DPF3: variants seen among roughly 807,000 people sequenced by gnomAD.
DPF3 encodes zinc finger protein DPF3.
DPF3 carries 18 observed loss-of-function variants against 56.8 expected under a neutral mutation model. The ratio of observed to expected loss-of-function variants is 0.32; its 90% CI spans 0.22 to 0.47. DPF3 has a LOEUF of 0.47. Among genes scored for constraint, DPF3 ranks in the 20% least tolerant of loss-of-function variants. The probability of loss-of-function intolerance (pLI) is 1.00; values close to 1 mark genes in which losing one functional copy is unlikely to be tolerated. For synonymous variants in DPF3, 188 were observed against 180.2 expected (o/e 1.04, Z -0.35); for missense variants, 403 against 488.8 (o/e 0.82, Z 1.65).
chr14:72,893,814 T>G (rs1886876111), intron 1 of DPF3, among the ~76,000 whole-genome samples: 1 of 152,228 alleles, frequency 6.6e-6, no homozygotes, highest in Non-Finnish European at 1.5e-5. Context: ...TATCTGGCTC[T>G]CTCTGCAATT....
At chr14:72,665,793 TTTCCTGATTGTGA>T (rs1489491868) in intron 8 of DPF3, among the ~76,000 whole-genome samples, 1 of 152,236 alleles carries the variant, frequency 6.6e-6, no homozygotes, top group Non-Finnish European at 1.5e-5. Flanking sequence ...TCGATGTGAA[TTTCCTGATTGTGA>T]TCATTGTACT....
chr14:72,876,220 C>G (rs1886108853), intron 1 of DPF3, among the ~76,000 whole-genome samples: 1 of 152,212 alleles, frequency 6.6e-6, no homozygotes, highest in Non-Finnish European at 1.5e-5. Context: ...GGATTGATGG[C>G]TCACACCAGT....
intron 2 of DPF3, among the ~76,000 whole-genome samples, chr14:72,760,432 T>C (rs1221079255): frequency 2.0e-5 from 3 of 152,224 alleles, no homozygotes; most frequent in Non-Finnish European, 4.4e-5. Flanking sequence ...TAGGCCCACC[T>C]GGATAATCCA....
chr14:72,658,307 A>T (rs1347871218), intron 8 of DPF3, among the ~76,000 whole-genome samples: 1 of 152,182 alleles, frequency 6.6e-6, no homozygotes, highest in Non-Finnish European at 1.5e-5. Context: ...AATTTAAAAA[A>T]TTTGTAAAAG....
intron 1 of DPF3, among the ~76,000 whole-genome samples, chr14:72,828,553 C>A (rs866485346): frequency 7.4e-3 from 158 of 21,450 alleles, no homozygotes; most frequent in Middle Eastern, 0.029. Context: ...AAAAAAAAAA[C>A]TTAATATGAT....
intron 3 of DPF3, among the ~76,000 whole-genome samples, chr14:72,749,847 A>T (rs1047081321): frequency 8.7e-6 from 1 of 115,024 alleles, no homozygotes; most frequent in Non-Finnish European, 1.8e-5. Context: ...GACCCTGTTT[A>T]AAAAAAAAAA....
intron 1 of DPF3, among the ~76,000 whole-genome samples, chr14:72,865,674 G>A (rs533632949): frequency 6.6e-6 from 1 of 152,334 alleles, no homozygotes; most frequent in Admixed American, 6.5e-5. Flanking sequence ...GGGGGGTAAG[G>A]AGCCCATCAA....
chr14:72,754,422 C>T (rs1294765566), intron 2 of DPF3, among the ~76,000 whole-genome samples: 2 of 152,122 alleles, frequency 1.3e-5, no homozygotes, highest in African/African-American at 2.4e-5. Flanking sequence ...TGTCAGAAGC[C>T]CCAGAATCAG....
intron 1 of DPF3, among the ~76,000 whole-genome samples, chr14:72,853,034 C>CGTGTGTGTGT (rs10522943): frequency 0.043 from 6,249 of 144,040 alleles, 261 homozygotes; most frequent in East Asian, 0.14. Flanking sequence ...CATAGCCTTG[C>CGTGTGTGTGT]GTGTGTGTGT....
chr14:72,665,293 C>T (rs1268902906), intron 8 of DPF3, among the ~76,000 whole-genome samples: 1 of 152,186 alleles, frequency 6.6e-6, no homozygotes, highest in Non-Finnish European at 1.5e-5. Context: ...TAATTTTATC[C>T]TATCCTTGAC....
At chr14:72,703,675 C>T (rs1286423769) in intron 6 of DPF3, among the ~76,000 whole-genome samples, 1 of 152,142 alleles carries the variant, frequency 6.6e-6, no homozygotes, top group Non-Finnish European at 1.5e-5. Flanking sequence ...CTCTCAGCCT[C>T]GGTTTCCTCG....
rs1238072766 is a variant in DPF3, at chr14:72,619,111, C to T, written c.*186G>A. Among the ~76,000 whole-genome samples, 2 of 152,192 alleles carry T rather than the reference C, an allele frequency of 1.3e-5. No individual in the cohort carries two copies. The highest frequency in any genetic ancestry group is 2.4e-5 in the African/African-American group (1 of 41,434). The stretch of plus-strand genomic sequence containing the variant: ...GACAAGGAGGTGCTGGCTGAAGTTC[C>T]GTACATATCGGGGGAGGTCAGGAGA... On this transcript the variant is annotated 3_prime_UTR_variant, in exon 11 of 11. Transcript: ENST00000556509.
intron 1 of DPF3, among the ~76,000 whole-genome samples, chr14:72,873,782 A>G (rs987851736): frequency 6.6e-6 from 1 of 152,122 alleles, no homozygotes; most frequent in South Asian, 2.1e-4. Context: ...AGGGACATGG[A>G]TGAAGCTGGA....
intron 3 of DPF3, among the ~76,000 whole-genome samples, chr14:72,740,996 G>C (rs1318147051): frequency 6.6e-6 from 1 of 152,104 alleles, no homozygotes; most frequent in African/African-American, 2.4e-5. Flanking sequence ...CGTGAACACA[G>C]GAGTTCAAAT....
chr14:72,738,603 A>T (rs1364160475), intron 3 of DPF3, among the ~76,000 whole-genome samples: 1 of 152,154 alleles, frequency 6.6e-6, no homozygotes, highest in Non-Finnish European at 1.5e-5. Flanking sequence ...GAGTGGACAG[A>T]GTGCGGGCAG....
intron 7 of DPF3, among the ~76,000 whole-genome samples, chr14:72,692,837 T>C (rs1191598232): frequency 6.6e-6 from 1 of 152,124 alleles, no homozygotes; most frequent in African/African-American, 2.4e-5. Context: ...CTCACCTTCC[T>C]TCCTCTGGGA....
intron 8 of DPF3, among the ~76,000 whole-genome samples, chr14:72,668,650 C>G (rs997325165): frequency 1.3e-5 from 2 of 151,760 alleles, no homozygotes; most frequent in Non-Finnish European, 2.9e-5. Context: ...AATTAGGTAG[C>G]CTTTTATAAT....
chr14:72,857,802 T>A (rs1396052339), intron 1 of DPF3, among the ~76,000 whole-genome samples: 1 of 152,120 alleles, frequency 6.6e-6, no homozygotes, highest in Non-Finnish European at 1.5e-5. Flanking sequence ...TTGGCCAGGA[T>A]GGTCTCAATC....
At chr14:72,840,920 G>A (rs1484391863) in intron 1 of DPF3, among the ~76,000 whole-genome samples, 1 of 152,040 alleles carries the variant, frequency 6.6e-6, no homozygotes, top group Non-Finnish European at 1.5e-5. Flanking sequence ...CCTTAGAAGA[G>A]AGACCCTCTG....
Sources: allele counts gnomAD v4.1 joint callset (sites outside exome capture counted in the v4.1 genomes callset), GRCh38; gene constraint gnomAD v4.1.1; transcripts MANE v1.5; gene names NCBI Gene and HGNC (gene_info 2026-07-23, HGNC 2026-07-21).